PRICKLE1: variants seen among roughly 807,000 people sequenced by gnomAD.
PRICKLE1 encodes the protein prickle planar cell polarity protein 1, also known as prickle-like protein 1.
A neutral mutation model predicts 70.2 loss-of-function variants in PRICKLE1; 14 were observed. The ratio of observed to expected loss-of-function variants is 0.20; its 90% confidence interval spans 0.13 to 0.31. The LOEUF is 0.31. Among genes scored for constraint, PRICKLE1 ranks in the 10% least tolerant of loss-of-function variants. The probability of loss-of-function intolerance (pLI) is 1.00; values close to 1 mark genes in which losing one functional copy is unlikely to be tolerated. For synonymous variants in PRICKLE1, 357 were observed against 379.9 expected (o/e 0.94, Z 0.70); for missense variants, 821 against 1,026.2 (o/e 0.80, Z 2.73).
At chr12:42,473,916 T>G (rs1221723502) in intron 1 of PRICKLE1, among the ~76,000 whole-genome samples, 1 of 152,198 alleles carries the variant, frequency 6.6e-6, no homozygotes, top group Non-Finnish European at 1.5e-5. Flanking sequence ...GACTAAGTCA[T>G]TTTTCAGTGA....
At chr12:42,484,278 G>A in intron 1 of PRICKLE1, 1 of 151,612 alleles carries the variant, frequency 6.6e-6, no homozygotes, top group Non-Finnish European at 1.5e-5. Flanking sequence ...ACCTACCGCC[G>A]CCCGCCCGCT....
At chr12:42,471,348 A>C (rs959725451) in intron 2 of PRICKLE1, among the ~76,000 whole-genome samples, 1 of 152,166 alleles carries the variant, frequency 6.6e-6, no homozygotes, top group African/African-American at 2.4e-5. Flanking sequence ...AGAAGGAATA[A>C]AAGAAAAAAA....
intron 1 of PRICKLE1, among the ~76,000 whole-genome samples, chr12:42,489,369 C>T (rs1027701454): frequency 2.0e-5 from 3 of 150,742 alleles, no homozygotes; most frequent in African/African-American, 7.3e-5. Context: ...ATTAACATTC[C>T]AAATTTAAGG....
intron 1 of PRICKLE1, among the ~76,000 whole-genome samples, chr12:42,506,862 C>T (rs1939430552): frequency 6.6e-6 from 1 of 152,116 alleles, no homozygotes; most frequent in African/African-American, 2.4e-5. Flanking sequence ...TGAGCCACCG[C>T]ACCTGGCCAT....
At chr12:42,586,892 C>T (rs967291808) in intron 1 of PRICKLE1, among the ~76,000 whole-genome samples, 1 of 152,146 alleles carries the variant, frequency 6.6e-6, no homozygotes, top group Admixed American at 6.5e-5. Flanking sequence ...TTGGTCTTTT[C>T]AGAATTATCA....
chr12:42,511,592 A>C (rs1335505830), intron 1 of PRICKLE1, among the ~76,000 whole-genome samples: 2 of 152,188 alleles, frequency 1.3e-5, no homozygotes, highest in Non-Finnish European at 2.9e-5. Flanking sequence ...CTACTTTCCC[A>C]AATCAGGTTC....
chr12:42,532,645 C>G (rs1260384996), intron 1 of PRICKLE1, among the ~76,000 whole-genome samples: 3 of 152,152 alleles, frequency 2.0e-5, no homozygotes. Context: ...CGCCTGTAAT[C>G]CCAGCACTTT....
chr12:42,470,171 T>C, intron 3 of PRICKLE1, 75 bp downstream of exon 3: 1 of 1,117,268 alleles, frequency 9.0e-7, no homozygotes, highest in Non-Finnish European at 1.4e-6. Flanking sequence ...GAGTTGGGGT[T>C]TATGAGCAGC....
At position 42,459,194 on chromosome 12, in the gene PRICKLE1, C is replaced by T. The variant is rs1353811133; in HGVS notation, c.*615G>A. On this transcript the variant is annotated 3_prime_UTR_variant, in exon 8 of 8. Transcript: ENST00000345127. ...TACAGTATATACATTAATATTTGCA[C>T]CGTTAAATTAGGAATACACTTAAGT... The T allele has an allele frequency of 5.9e-6, 4 of 679,056 alleles. No homozygotes were observed. The African/African-American group carries it at 7.2e-5, about 12-fold the overall frequency. The allele number at this position is 679,056 out of a possible 1,614,324, so 42.1% of individuals were successfully genotyped here. A position where few individuals can be genotyped will look rare whatever the true frequency, so the allele number is the denominator to read the frequency against.
In PRICKLE1 at chr12:42,458,483, T is replaced by G. The variant is rs1213698140; in HGVS notation, c.*1326A>C. 1 of 152,218 alleles carries G rather than the reference T, an allele frequency of 6.6e-6. No homozygotes were observed. The highest frequency in any genetic ancestry group is 1.9e-4 in the East Asian group (1 of 5,202). 9.4% of individuals were successfully genotyped at this position (152,218 alleles called of 1,614,324 possible). On this transcript the variant is annotated 3_prime_UTR_variant, in exon 8 of 8. Transcript: ENST00000345127. ...CAAAATATCTGCTCATTGGTTCAGA[T>G]CCAACGTAAGTTTTCCTTGAACCAG...
intron 1 of PRICKLE1, among the ~76,000 whole-genome samples, chr12:42,555,670 T>G (rs1482119947): frequency 1.3e-5 from 2 of 152,132 alleles, no homozygotes; most frequent in African/African-American, 4.8e-5. Flanking sequence ...TAACACAAAA[T>G]TTTGAGATAG....
At chr12:42,533,541 A>G (rs1939962231) in intron 1 of PRICKLE1, among the ~76,000 whole-genome samples, 1 of 152,172 alleles carries the variant, frequency 6.6e-6, no homozygotes, top group Admixed American at 6.5e-5. Context: ...AAATTATTTC[A>G]TTGCCTGTTA....
In PRICKLE1 at chr12:42,464,899, T is replaced by A. The variant is rs758856895; in HGVS notation, c.1135A>T (p.Ser379Cys). 5 of 1,614,132 alleles carry A rather than the reference T, an allele frequency of 3.1e-6. No individual in the cohort carries two copies. Among genetic ancestry groups the A allele is most frequent in the Non-Finnish European group, 8.5e-7 (1 of 1,180,036 alleles). ...DTLSRKLDDL[S>C]LSRQGTSFAS... ...AAACTTGTTCCTTGTCTGGAGAGACTCAGATCATCCAATTTTCGAGAAAGG... is the reference window on the plus strand; with the variant it reads ...AAACTTGTTCCTTGTCTGGAGAGACACAGATCATCCAATTTTCGAGAAAGG... The change falls in exon 7 of 8, where the codon AGT (serine) becomes TGT (cysteine). Residue 379 changes from serine to cysteine, a missense_variant. Coordinates refer to ENST00000345127, the MANE Select transcript of PRICKLE1 (RefSeq NM_153026.3). This position sits in a 1 kb window ranked among gnomAD's most constrained non-coding sequence, Gnocchi z 4.2.
rs2140078396 is a variant in PRICKLE1, at chr12:42,458,184, G to A, written c.*1625C>T. The A allele has an allele frequency of 1.3e-5, 2 of 152,292 alleles. No individual in the cohort carries two copies. The highest frequency in any genetic ancestry group is 6.8e-3 in the Middle Eastern group (2 of 294). 9.4% of individuals were successfully genotyped at this position (152,292 alleles called of 1,614,324 possible). ...ACTCCAGTCTATATGGAAAAAATAAGCCTCTGTGTCTGAAGCCCTATTTCT... is the reference window on the plus strand; with the variant it reads ...ACTCCAGTCTATATGGAAAAAATAAACCTCTGTGTCTGAAGCCCTATTTCT... On this transcript the variant is annotated 3_prime_UTR_variant, in exon 8 of 8. Coordinates refer to ENST00000345127, the MANE Select transcript of PRICKLE1 (RefSeq NM_153026.3).
chr12:42,474,947 T>C (rs1339603284), intron 1 of PRICKLE1, among the ~76,000 whole-genome samples: 1 of 152,220 alleles, frequency 6.6e-6, no homozygotes, highest in African/African-American at 2.4e-5. Context: ...GCCATGGATT[T>C]TCCAAGCCAG....
At position 42,459,904 on chromosome 12, in the gene PRICKLE1, G is replaced by C. The variant is rs779783898; in HGVS notation, c.2401C>G (p.Pro801Ala). 1 of 1,614,146 alleles carries C rather than the reference G, an allele frequency of 6.2e-7. No homozygotes were observed. The highest frequency in any genetic ancestry group is 2.2e-5 in the East Asian group (1 of 44,874). Residue 801 changes from proline to alanine, a missense_variant, in exon 8 of 8, where the codon CCA becomes GCA. Physicochemically the swap from Pro to Ala is conservative, Grantham distance 27. Transcript: ENST00000345127. Reference protein sequence around the residue: ...FAYYTDDLSSPPSALPTPQFG... With the variant: ...FAYYTDDLSSAPSALPTPQFG... ...TGAGGGGTGGGAAGTGCAGATGGTG[G>C]ACTAGAAAGGTCATCTGTATAGTAG...
chr12:42,566,318 C>T (rs1487216197), intron 1 of PRICKLE1, among the ~76,000 whole-genome samples: 1 of 151,990 alleles, frequency 6.6e-6, no homozygotes, highest in Non-Finnish European at 1.5e-5. Flanking sequence ...GGATAACATC[C>T]AGTTTTCTAG....
At chr12:42,536,555 C>T (rs1940019754) in intron 1 of PRICKLE1, among the ~76,000 whole-genome samples, 1 of 152,092 alleles carries the variant, frequency 6.6e-6, no homozygotes. Context: ...GTATGGTTTC[C>T]TATATTCTTT....
intron 1 of PRICKLE1, among the ~76,000 whole-genome samples, chr12:42,517,452 A>G (rs1286217043): frequency 3.3e-5 from 5 of 151,896 alleles, no homozygotes; most frequent in Non-Finnish European, 5.9e-5. Context: ...AGCTGGGACT[A>G]CAGGCGCCCG....
Sources: gnomAD v4.1 joint callset for allele counts (sites outside exome capture counted in the v4.1 genomes callset) on GRCh38, gnomAD v4.1.1 for gene constraint, Gnocchi (gnomAD v3.1) non-coding constraint, MANE v1.5 for transcripts, NCBI Gene and HGNC (gene_info 2026-07-23, HGNC 2026-07-21) for gene names.